PRICKLE2: variants seen among roughly 807,000 people sequenced by gnomAD.
PRICKLE2 encodes the protein prickle planar cell polarity protein 2, also known as prickle-like protein 2.
Under a neutral mutation model 81.4 loss-of-function variants are expected in PRICKLE2, and 21 were observed. The ratio of observed to expected loss-of-function variants is 0.26; its 90% confidence interval spans 0.18 to 0.37. The LOEUF is 0.37. Among genes scored for constraint, PRICKLE2 ranks in the 10% least tolerant of loss-of-function variants. PRICKLE2 has a pLI of 1.00. For synonymous variants in PRICKLE2, 456 were observed against 421.5 expected, an observed-to-expected ratio of 1.08 and a Z score of -1.00; for missense variants, 940 against 1,109.0, an observed-to-expected ratio of 0.85 and a Z score of 2.16.
intron 1 of PRICKLE2, among the ~76,000 whole-genome samples, chr3:64,218,610 T>A (rs2078906899): frequency 6.6e-6 from 1 of 152,168 alleles, no homozygotes; most frequent in African/African-American, 2.4e-5. Flanking sequence ...AGTGAACACC[T>A]AGTGAACACA....
chr3:64,156,396 A>G lies in PRICKLE2; in HGVS notation c.600+766T>C, dbSNP rs1411946622. Among the ~76,000 whole-genome samples, 3 of 152,204 alleles carry G rather than the reference A, an allele frequency of 2.0e-5. No individual in the cohort carries two copies. In the East Asian group the frequency reaches 5.8e-4, roughly 29 times the overall value. On this transcript the variant is annotated intron_variant, in intron 5 of 7. Transcript: ENST00000638394. ...TATTTACAGAGAAAGATAGATGCAA[A>G]AAACTCCTTTGCACAGGAGGAAACC...
intron 2 of PRICKLE2, among the ~76,000 whole-genome samples, chr3:64,191,391 C>T (rs1325581238): frequency 6.6e-6 from 1 of 152,146 alleles, no homozygotes; most frequent in East Asian, 1.9e-4. Flanking sequence ...GGGCCAGGAG[C>T]ATTATAAGCA....
At position 64,183,241 on chromosome 3, in the gene PRICKLE2, C is replaced by G. The variant is rs1032746326; in HGVS notation, c.144+15543G>C. 7.9e-5 allele frequency among the ~76,000 whole-genome samples: 12 copies of G among 152,184 alleles called. No individual in the cohort carries two copies. In the East Asian group the frequency reaches 2.3e-3, roughly 29 times the overall value. ...AAAGGGATGTTACAATTAATAGATC[C>G]TTGGTCATTTCAAAATTATTAGTGA... is the stretch of plus-strand genomic sequence containing the variant. On this transcript the variant is annotated intron_variant, in intron 2 of 7. Transcript: ENST00000638394.
intron 6 of PRICKLE2, 148 bp downstream of exon 6, chr3:64,153,034 A>T: frequency 1.2e-6 from 1 of 847,596 alleles, no homozygotes; most frequent in Non-Finnish European, 2.0e-6. Context: ...TGGCCTTTCT[A>T]GTGTCATGAA....
At chr3:64,159,911 C>A (rs777156342) in intron 4 of PRICKLE2, 29 bp downstream of exon 4, 1 of 1,613,860 alleles carries the variant, frequency 6.2e-7, no homozygotes, top group Non-Finnish European at 8.5e-7. Flanking sequence ...CAGAACAATG[C>A]CTCTTCACTC....
chr3:64,133,738 A>G (rs528130165), intron 7 of PRICKLE2, among the ~76,000 whole-genome samples: 1 of 152,284 alleles, frequency 6.6e-6, no homozygotes, highest in South Asian at 2.1e-4. Flanking sequence ...TTTGACTCAG[A>G]CAAGGCTGTA....
intron 2 of PRICKLE2, among the ~76,000 whole-genome samples, chr3:64,235,425 C>T (rs187694342): frequency 2.6e-5 from 4 of 152,310 alleles, no homozygotes; most frequent in Non-Finnish European, 5.9e-5. Context: ...ATATAGGTCA[C>T]ACTTTTCTGT....
intron 2 of PRICKLE2, among the ~76,000 whole-genome samples, chr3:64,180,104 A>T (rs1436746130): frequency 6.6e-6 from 1 of 152,212 alleles, no homozygotes; most frequent in African/African-American, 2.4e-5. Flanking sequence ...ATTATTGAGT[A>T]ATGTGCATAC....
intron 7 of PRICKLE2, among the ~76,000 whole-genome samples, chr3:64,107,422 A>C (rs1410438001): frequency 6.6e-6 from 1 of 152,148 alleles, no homozygotes; most frequent in Non-Finnish European, 1.5e-5. Flanking sequence ...TATGCATGCA[A>C]GTCCAGAAAG....
Position 64,147,122 on chromosome 3 carries a change from G to A in PRICKLE2, c.1368C>T (p.Ala456=). ...FSNPKRSSSL[A]MTGHAGSFIK... is the part of the protein sequence containing the mutation. ...TGAAGCTGCCAGCATGTCCTGTCATGGCCAGTGACGAGCTCCTTTTGGGGT... is the reference window on the plus strand; with the variant it reads ...TGAAGCTGCCAGCATGTCCTGTCATAGCCAGTGACGAGCTCCTTTTGGGGT... The change falls in exon 7 of 8, where the codon GCC becomes GCT. Residue 456 remains alanine, a synonymous_variant. Transcript: ENST00000638394. This position sits in a 1 kb window ranked among gnomAD's most constrained non-coding sequence, Gnocchi z 5.0. 1 of 1,614,130 alleles carries A rather than the reference G, an allele frequency of 6.2e-7. No individual in the cohort carries two copies. The highest frequency in any genetic ancestry group is 1.3e-5 in the African/African-American group (1 of 75,022).
intron 2 of PRICKLE2, among the ~76,000 whole-genome samples, chr3:64,183,361 T>C (rs2078166783): frequency 1.3e-5 from 2 of 152,162 alleles, no homozygotes; most frequent in African/African-American, 4.8e-5. Flanking sequence ...TAAAAGTTAT[T>C]TTATGTTCAA....
chr3:64,220,904 T>C (rs2078942138), intron 1 of PRICKLE2, among the ~76,000 whole-genome samples: 1 of 152,204 alleles, frequency 6.6e-6, no homozygotes, highest in Non-Finnish European at 1.5e-5. Flanking sequence ...ATATTGTACT[T>C]GAAAATCTGC....
At chr3:64,100,951 C>A (rs761564719) in intron 7 of PRICKLE2, 1 of 152,196 alleles carries the variant, frequency 6.6e-6, no homozygotes, top group Non-Finnish European at 1.5e-5. Context: ...CCATTATCAC[C>A]CCTGCTACTG....
intron 2 of PRICKLE2, among the ~76,000 whole-genome samples, chr3:64,185,194 T>A (rs1240704240): frequency 6.6e-6 from 1 of 152,156 alleles, no homozygotes; most frequent in African/African-American, 2.4e-5. Flanking sequence ...CCAGTGAGGA[T>A]GGAGACACCA....
chr3:64,246,972 G>T (rs2079368407), intron 2 of PRICKLE2, among the ~76,000 whole-genome samples: 1 of 152,204 alleles, frequency 6.6e-6, no homozygotes, highest in African/African-American at 2.4e-5. Flanking sequence ...TTCACAGGAA[G>T]CTCCGAAATA....
chr3:64,120,869 C>G (rs959210143), intron 7 of PRICKLE2, among the ~76,000 whole-genome samples: 2 of 152,186 alleles, frequency 1.3e-5, no homozygotes, highest in Non-Finnish European at 2.9e-5. Context: ...TATGCCGTGT[C>G]CTACTTCTCC....
At chr3:64,248,034 T>C (rs1575711685) in intron 2 of PRICKLE2, among the ~76,000 whole-genome samples, 1 of 152,320 alleles carries the variant, frequency 6.6e-6, no homozygotes, top group East Asian at 1.9e-4. Flanking sequence ...AACCATCCGC[T>C]ATAAAACTTA....
rs908754452 is a variant in PRICKLE2, at chr3:64,147,270, A to G, written c.1220T>C (p.Met407Thr). The G allele has an allele frequency of 1.2e-6, 2 of 1,612,434 alleles. No homozygotes were observed. Among genetic ancestry groups the G allele is most frequent in the Non-Finnish European group, 1.7e-6 (2 of 1,178,804 alleles). The change falls in exon 7 of 8, where the codon ATG (methionine) becomes ACG (threonine). Residue 407 changes from methionine to threonine, a missense_variant. Coordinates refer to ENST00000638394, the MANE Select transcript of PRICKLE2 (RefSeq NM_198859.4). This position sits in a 1 kb window ranked among gnomAD's most constrained non-coding sequence, Gnocchi z 5.0. ...REEPYHYGNK[M>T]EQNQTQSPLQ... ...AGGGCTCTGGGTCTGGTTCTGCTCC[A>G]TCTTGTTCCCATAATGGTAGGGCTC...
chr3:64,246,752 C>CT (rs1200650597), intron 2 of PRICKLE2, among the ~76,000 whole-genome samples: 1 of 152,162 alleles, frequency 6.6e-6, no homozygotes, highest in Non-Finnish European at 1.5e-5. Context: ...GCATGAAAGG[C>CT]TAAGATATGT....
Sources: gnomAD v4.1 joint callset for allele counts (sites outside exome capture counted in the v4.1 genomes callset) on GRCh38, gnomAD v4.1.1 for gene constraint, Gnocchi (gnomAD v3.1) non-coding constraint, MANE v1.5 for transcripts, NCBI Gene and HGNC (gene_info 2026-07-23, HGNC 2026-07-21) for gene names.